The following C8orf34 variants were observed in gnomAD, a reference collection of about 807,000 sequenced individuals.
C8orf34 encodes uncharacterized protein C8orf34.
C8orf34 carries 65 observed loss-of-function variants against 68.3 expected under a neutral mutation model. The ratio of observed to expected loss-of-function variants is 0.95; its 90% CI spans 0.78 to 1.17. The LOEUF is 1.17. C8orf34 is among the 50% of genes most tolerant of loss of function. The probability of loss-of-function intolerance (pLI) is 0.00; values close to 1 mark genes in which losing one functional copy is unlikely to be tolerated. For missense variants in C8orf34, 664 were observed against 655.4 expected, an observed-to-expected ratio of 1.01 and a Z score of -0.14; for synonymous variants, 244 against 241.2, an observed-to-expected ratio of 1.01 and a Z score of -0.11.
chr8:68,810,147 T>C (rs1824601531), intron 12 of C8orf34, among the ~76,000 whole-genome samples: 3 of 152,192 alleles, frequency 2.0e-5, no homozygotes, highest in Admixed American at 2.0e-4. Flanking sequence ...CCTGGCAGGC[T>C]GTGCTTGGCT....
intron 1 of C8orf34, among the ~76,000 whole-genome samples, chr8:68,336,172 A>G (rs1805840108): frequency 6.6e-6 from 1 of 151,976 alleles, no homozygotes; most frequent in Non-Finnish European, 1.5e-5. Flanking sequence ...CTACAAAAAT[A>G]ACATAGGCTT....
intron 10 of C8orf34, among the ~76,000 whole-genome samples, chr8:68,762,467 TA>T (rs1823048489): frequency 6.6e-6 from 1 of 152,224 alleles, no homozygotes; most frequent in South Asian, 2.1e-4. Context: ...TGAAAGTCCA[TA>T]AAATTACACT....
chr8:68,489,075 T>G (rs1168448818), intron 5 of C8orf34, among the ~76,000 whole-genome samples: 1 of 152,122 alleles, frequency 6.6e-6, no homozygotes, highest in East Asian at 1.9e-4. Flanking sequence ...TAAAACAAGA[T>G]GTTAGTAAGA....
intron 12 of C8orf34, among the ~76,000 whole-genome samples, chr8:68,805,796 A>G (rs563621114): frequency 3.1e-4 from 47 of 152,098 alleles, no homozygotes; most frequent in African/African-American, 1.1e-3. Flanking sequence ...TTTCTGTTTA[A>G]CTCATTTAGT....
intron 7 of C8orf34, among the ~76,000 whole-genome samples, chr8:68,624,423 A>G (rs748683425): frequency 1.2e-4 from 19 of 152,208 alleles, no homozygotes; most frequent in Non-Finnish European, 1.5e-5. Flanking sequence ...TAGAAGGTGC[A>G]TGTATAACAC....
chr8:68,806,725 A>C (rs1362357635), intron 12 of C8orf34, among the ~76,000 whole-genome samples: 1 of 152,174 alleles, frequency 6.6e-6, no homozygotes, highest in Non-Finnish European at 1.5e-5. Context: ...TATGTTTGGT[A>C]GCTGTGGATT....
At chr8:68,621,553 G>A (rs1168189721) in intron 7 of C8orf34, among the ~76,000 whole-genome samples, 1 of 152,142 alleles carries the variant, frequency 6.6e-6, no homozygotes, top group East Asian at 1.9e-4. Flanking sequence ...ACTTGGTTAT[G>A]TCATAAATTT....
chr8:68,505,708 G>A lies in C8orf34; in HGVS notation c.766-16091G>A, dbSNP rs965903093. Among the ~76,000 whole-genome samples, 101 of 93,296 alleles carry A rather than the reference G, an allele frequency of 1.1e-3. 15 individuals carry two copies. Among genetic ancestry groups the A allele is most frequent in the African/African-American group, 9.3e-3 (92 of 9,882 alleles). 61.2% of individuals were successfully genotyped at this position (93,296 alleles called of 152,430 possible). On this transcript the variant is annotated intron_variant, in intron 5 of 13. Coordinates refer to ENST00000518698, the MANE Select transcript of C8orf34 (RefSeq NM_052958.4). The stretch of plus-strand genomic sequence containing the variant: ...ATTGCGCCACTGCAGTCCGCAGTCC[G>A]GCCTGGGCGACAGAGCGAGACTCCG...
intron 1 of C8orf34, among the ~76,000 whole-genome samples, chr8:68,425,312 G>A (rs1364964382): frequency 6.6e-6 from 1 of 152,074 alleles, no homozygotes; most frequent in Non-Finnish European, 1.5e-5. Flanking sequence ...GTAATAGAAG[G>A]CATACAGATT....
chr8:68,618,206 AG>A (rs1190048768), intron 7 of C8orf34, among the ~76,000 whole-genome samples: 2 of 152,166 alleles, frequency 1.3e-5, no homozygotes, highest in African/African-American at 4.8e-5. Flanking sequence ...TAATGATAAA[AG>A]TTATGCCACT....
intron 8 of C8orf34, among the ~76,000 whole-genome samples, chr8:68,659,802 T>G (rs930176143): frequency 1.3e-5 from 2 of 152,094 alleles, no homozygotes; most frequent in Non-Finnish European, 2.9e-5. Context: ...CTGTACATTT[T>G]TCCTCTATTC....
intron 1 of C8orf34, among the ~76,000 whole-genome samples, chr8:68,381,085 A>C (rs997179697): frequency 1.3e-5 from 2 of 152,350 alleles, no homozygotes; most frequent in African/African-American, 4.8e-5. Flanking sequence ...TTTGTACAAA[A>C]TAAGGTTAAT....
In C8orf34 at chr8:68,647,904, G is replaced by A. The variant is rs554734342; in HGVS notation, c.1241+7393G>A. Among the ~76,000 whole-genome samples the A allele has an allele frequency of 3.3e-5, 5 of 152,276 alleles. No homozygotes were observed. The East Asian group carries it at 9.6e-4, about 29-fold the overall frequency. On this transcript the variant is annotated intron_variant, in intron 8 of 13. Transcript: ENST00000518698. ...ATTTGTGTGATTTAAACAGAGAAAT[G>A]ACATTGTTTGGCAAGTGGGAAAATG...
At chr8:68,531,393 C>CT (rs768091190) in intron 6 of C8orf34, among the ~76,000 whole-genome samples, 1 of 151,934 alleles carries the variant, frequency 6.6e-6, no homozygotes, top group Non-Finnish European at 1.5e-5. Flanking sequence ...CCTTTTGTTT[C>CT]TTTTTTATGA....
chr8:68,464,781 C>T (rs1354932639), intron 3 of C8orf34, among the ~76,000 whole-genome samples: 1 of 151,754 alleles, frequency 6.6e-6, no homozygotes, highest in African/African-American at 2.4e-5. Context: ...CTTCCTTACA[C>T]CTTATACAAA....
intron 13 of C8orf34, among the ~76,000 whole-genome samples, chr8:68,817,184 A>G (rs1378989011): frequency 1.3e-5 from 2 of 152,182 alleles, no homozygotes; most frequent in Non-Finnish European, 2.9e-5. Context: ...GTGGAGAAGA[A>G]ACACAGTGAA....
At chr8:68,556,381 T>A (rs890393996) in intron 7 of C8orf34, among the ~76,000 whole-genome samples, 1 of 150,356 alleles carries the variant, frequency 6.7e-6, no homozygotes, top group Non-Finnish European at 1.5e-5. Flanking sequence ...ATACTAAAAC[T>A]ACTATGAATT....
chr8:68,808,655 G>C (rs759422759), intron 12 of C8orf34, among the ~76,000 whole-genome samples: 1 of 151,786 alleles, frequency 6.6e-6, no homozygotes, highest in Non-Finnish European at 1.5e-5. Flanking sequence ...AAATATATGA[G>C]AGAATATGCA....
intron 6 of C8orf34, among the ~76,000 whole-genome samples, chr8:68,528,489 C>T (rs1485813039): frequency 1.3e-5 from 2 of 152,196 alleles, no homozygotes; most frequent in South Asian, 2.1e-4. Flanking sequence ...TAATTTGTCC[C>T]TTGGATATGC....
Sources: gnomAD v4.1 joint callset for allele counts (sites outside exome capture counted in the v4.1 genomes callset) on GRCh38, gnomAD v4.1.1 for gene constraint, MANE v1.5 for transcripts, NCBI Gene and HGNC (gene_info 2026-07-23, HGNC 2026-07-21) for gene names.